GLT6D1: variants seen among roughly 807,000 people sequenced by gnomAD.
GLT6D1 encodes putative glycosyltransferase 6 domain-containing protein 1.
GLT6D1 carries 9 observed loss-of-function variants against 12.3 expected under a neutral mutation model. That is an observed-to-expected ratio of 0.73 (90% confidence interval 0.44 to 1.27). GLT6D1 has a LOEUF of 1.27. Ranked by LOEUF, GLT6D1 falls within the 50% of genes most tolerant of loss-of-function variation. The pLI, the probability that GLT6D1 is intolerant of heterozygous loss-of-function variation, is 0.00. For synonymous variants in GLT6D1, 128 were observed against 132.3 expected (o/e 0.97, Z 0.23); for missense variants, 335 against 346.2 (o/e 0.97, Z 0.26).
At chr9:135,625,906 C>T (rs960335017) in intron 4 of GLT6D1, among the ~76,000 whole-genome samples, 163 bp downstream of exon 4, 1 of 152,198 alleles carries the variant, frequency 6.6e-6, no homozygotes, top group East Asian at 1.9e-4. Context: ...CTTTGAGTCC[C>T]TTATTTGGGT....
At position 135,630,321 on chromosome 9, in the gene GLT6D1, G is replaced by A. The variant is rs7019854; in HGVS notation, c.119+1110C>T. Among the ~76,000 whole-genome samples, 497 of 146,792 alleles carry A rather than the reference G, an allele frequency of 3.4e-3. 2 individuals are homozygous for A. The highest frequency in any genetic ancestry group is 0.011 in the African/African-American group (452 of 39,642). ...CTTGGGAGGCTGAGGCAGGAGAATC[G>A]TGTGAACCCAGCAGGCAGAGCTTGC... is the stretch of plus-strand genomic sequence containing the variant. On this transcript the variant is annotated intron_variant, in intron 3 of 4. Coordinates refer to ENST00000371763, the MANE Select transcript of GLT6D1 (RefSeq NM_182974.3).
chr9:135,628,149 T>G (rs1391141288), intron 3 of GLT6D1, among the ~76,000 whole-genome samples: 1 of 152,194 alleles, frequency 6.6e-6, no homozygotes, highest in African/African-American at 2.4e-5. Flanking sequence ...TTCATTTTCT[T>G]GATAATGTCC....
intron 2 of GLT6D1, 95 bp from the exon 3 acceptor site, chr9:135,631,573 T>C: frequency 3.3e-6 from 3 of 899,496 alleles, no homozygotes; most frequent in South Asian, 2.6e-5. Context: ...TTCGTCAACA[T>C]GCATCAACCC....
upstream of GLT6D1, among the ~76,000 whole-genome samples, chr9:135,641,000 T>C (rs2119160600): frequency 6.6e-6 from 1 of 152,330 alleles, no homozygotes; most frequent in Non-Finnish European, 1.5e-5. Context: ...ATGAGCTGCC[T>C]GTCTGTCAAT....
rs547754236 is a variant in GLT6D1 at position 135,630,565 on chromosome 9, C to T, written c.119+866G>A. On this transcript the variant is annotated intron_variant, in intron 3 of 4. Coordinates refer to ENST00000371763, the MANE Select transcript of GLT6D1 (RefSeq NM_182974.3). The stretch of plus-strand genomic sequence containing the variant: ...TGAAACCCTGTCTCTACTAAAAATA[C>T]AAAAATTAGCCAGGTGTGCTGGCAG... Among the ~76,000 whole-genome samples, 11 of 149,836 alleles carry T rather than the reference C, an allele frequency of 7.3e-5. No homozygotes were observed. In the East Asian group the frequency reaches 2.2e-3, roughly 30 times the overall value.
At chr9:135,637,693 C>T (rs1342248048) in intron 2 of GLT6D1, among the ~76,000 whole-genome samples, 6 of 152,110 alleles carry the variant, frequency 3.9e-5, no homozygotes, top group African/African-American at 7.2e-5. Context: ...TATATCTTCT[C>T]TTGTGAGATT....
rs1038459102 is a variant in GLT6D1 at position 135,623,871 on chromosome 9, G to T, written c.*226C>A. ...TAGCCAAATAAGATGGCTCAAAATG[G>T]CAAGAAGAAACATTTATTTGGGAAG... is the stretch of plus-strand genomic sequence containing the variant. On this transcript the variant is annotated 3_prime_UTR_variant, in exon 5 of 5. Coordinates refer to ENST00000371763, the MANE Select transcript of GLT6D1 (RefSeq NM_182974.3). The T allele has an allele frequency of 8.5e-6, 4 of 468,154 alleles. No homozygotes were observed. The highest frequency in any genetic ancestry group is 1.5e-5 in the Non-Finnish European group (4 of 265,890). The allele number at this position is 468,154 out of a possible 1,614,324, so 29.0% of individuals were successfully genotyped here.
At chr9:135,627,945 G>C (rs1461209029) in intron 3 of GLT6D1, among the ~76,000 whole-genome samples, 1 of 152,038 alleles carries the variant, frequency 6.6e-6, no homozygotes, top group Non-Finnish European at 1.5e-5. Flanking sequence ...TAATAAAGTT[G>C]GGCATCTTTT....
chr9:135,635,298 TC>T (rs1213962218), intron 2 of GLT6D1, among the ~76,000 whole-genome samples: 4 of 152,184 alleles, frequency 2.6e-5, no homozygotes, highest in African/African-American at 9.7e-5. Context: ...AGTGACATAC[TC>T]CCTTCAATAT....
chr9:135,626,801 C>G (rs1388009394), intron 3 of GLT6D1, among the ~76,000 whole-genome samples: 1 of 152,164 alleles, frequency 6.6e-6, no homozygotes, highest in Non-Finnish European at 1.5e-5. Flanking sequence ...AGCGAGCCAT[C>G]CGATTTGCCT....
At chr9:135,625,679 C>A (rs1464665949) in intron 4 of GLT6D1, among the ~76,000 whole-genome samples, 2 of 152,166 alleles carry the variant, frequency 1.3e-5, no homozygotes, top group Non-Finnish European at 2.9e-5. Context: ...TGCAGCAAGA[C>A]CACCCTAAAG....
chr9:135,638,167 A>G (rs1484409584), intron 2 of GLT6D1, among the ~76,000 whole-genome samples: 9 of 152,234 alleles, frequency 5.9e-5, no homozygotes, highest in Admixed American at 5.9e-4. Context: ...AGAAAGACGG[A>G]AAAGTGGAAA....
At chr9:135,633,507 G>A (rs922034235) in intron 2 of GLT6D1, among the ~76,000 whole-genome samples, 14 of 151,910 alleles carry the variant, frequency 9.2e-5, no homozygotes, top group Admixed American at 7.9e-4. Flanking sequence ...TGCCCACCTC[G>A]GCCTCCCAAA....
Position 135,624,184 on chromosome 9 carries a change from G to A in GLT6D1, c.744C>T (p.Asn248=), listed in dbSNP as rs201517048. The A allele has an allele frequency of 2.4e-4, 389 of 1,612,398 alleles. No homozygotes were observed. Among genetic ancestry groups the A allele is most frequent in the Admixed American group, 4.0e-4 (24 of 59,648 alleles). ...NILDFIKEYL[N]GVIHDIKNGL... is the part of the protein sequence containing the mutation. ...CATTTTTGATGTCATGAATAACTCC[G>A]TTCAGATATTCTTTGATGAAGTCTA... Residue 248 remains asparagine, a synonymous_variant, in exon 5 of 5, where the codon AAC becomes AAT. Coordinates refer to ENST00000371763, the MANE Select transcript of GLT6D1 (RefSeq NM_182974.3).
intron 2 of GLT6D1, among the ~76,000 whole-genome samples, chr9:135,636,570 GT>G (rs779427593): frequency 2.0e-5 from 3 of 151,800 alleles, no homozygotes; most frequent in East Asian, 1.9e-4. Context: ...CGTCCTGTGG[GT>G]TTTTTTTCAA....
rs1191186690 is a variant in GLT6D1 at position 135,623,929 on chromosome 9, G to A, written c.*168C>T. On this transcript the variant is annotated 3_prime_UTR_variant, in exon 5 of 5. Coordinates refer to ENST00000371763, the MANE Select transcript of GLT6D1 (RefSeq NM_182974.3). Reference sequence around the variant, plus strand: ...ATTTGTATGTCTCTAAAAAATGGAAGGTCTTAAGACTTCCCTCATTTATAA... The same window carrying A: ...ATTTGTATGTCTCTAAAAAATGGAAAGTCTTAAGACTTCCCTCATTTATAA... The A allele has an allele frequency of 1.9e-6, 1 of 520,048 alleles. No homozygotes were observed. The highest frequency in any genetic ancestry group is 3.4e-6 in the Non-Finnish European group (1 of 295,698). The allele number at this position is 520,048 out of a possible 1,614,324, so 32.2% of individuals were successfully genotyped here. A position where few individuals can be genotyped will look rare whatever the true frequency, so the allele number is the denominator to read the frequency against.
chr9:135,640,591 A>G (rs1026717811), upstream of GLT6D1, among the ~76,000 whole-genome samples: 1 of 152,008 alleles, frequency 6.6e-6, no homozygotes, highest in African/African-American at 2.4e-5. Flanking sequence ...GTGGTGGCTC[A>G]CGCCTGTAAT....
At chr9:135,636,777 G>C (rs919086075) in intron 2 of GLT6D1, among the ~76,000 whole-genome samples, 1 of 152,172 alleles carries the variant, frequency 6.6e-6, no homozygotes, top group African/African-American at 2.4e-5. Context: ...AGCCTTTTCA[G>C]ATGGGCTTTT....
intron 2 of GLT6D1, 142 bp from the exon 3 acceptor site, chr9:135,631,620 A>G: frequency 1.4e-6 from 1 of 702,066 alleles, no homozygotes; most frequent in Non-Finnish European, 2.6e-6. Flanking sequence ...GAGAAGAGAT[A>G]TCTCAGCTGG....
Sources: allele counts gnomAD v4.1 joint callset (sites outside exome capture counted in the v4.1 genomes callset), GRCh38; gene constraint gnomAD v4.1.1; transcripts MANE v1.5; gene names NCBI Gene and HGNC (gene_info 2026-07-23, HGNC 2026-07-21).